The following POU6F2 variants were observed in gnomAD, a reference collection of about 807,000 sequenced individuals.
POU6F2 encodes POU class 6 homeobox 2, also known as POU domain, class 6, transcription factor 2.
In POU6F2, 31 loss-of-function variants were observed where a neutral mutation model predicts 71.3. That is an observed-to-expected ratio of 0.43 (90% CI 0.33 to 0.59). POU6F2 has a LOEUF of 0.59. Ranked by LOEUF, POU6F2 falls within the 20% of genes least tolerant of loss-of-function variation. POU6F2 has a pLI of 0.04. For synonymous variants in POU6F2, 347 were observed against 355.7 expected, an observed-to-expected ratio of 0.98 and a Z score of 0.27; for missense variants, 783 against 856.8, an observed-to-expected ratio of 0.91 and a Z score of 1.07.
intron 4 of POU6F2, among the ~76,000 whole-genome samples, chr7:39,296,628 C>G (rs1784849624): frequency 6.6e-6 from 1 of 152,218 alleles, no homozygotes; most frequent in Non-Finnish European, 1.5e-5. Flanking sequence ...GGTGTTCCCT[C>G]TGCCTGGAAC....
In POU6F2 at chr7:39,104,114, C is replaced by T. The variant is rs928887446; in HGVS notation, c.277+18083C>T. Among the ~76,000 whole-genome samples the T allele has an allele frequency of 3.3e-5, 5 of 152,208 alleles. No individual in the cohort carries two copies. The East Asian group carries it at 7.7e-4, about 23-fold the overall frequency. On this transcript the variant is annotated intron_variant, in intron 2 of 9. Transcript: ENST00000518318. ...CATTCCCCCTGCTTAGCCTGAGACA[C>T]GGTGGGAGCACCTACCACCAGCTCT...
At chr7:39,375,444 C>T (rs1292304124) in intron 5 of POU6F2, among the ~76,000 whole-genome samples, 1 of 152,066 alleles carries the variant, frequency 6.6e-6, no homozygotes, top group African/African-American at 2.4e-5. Context: ...CAGGTCATGC[C>T]GCCCAGTCCC....
At chr7:39,278,560 A>G (rs1055488178) in intron 4 of POU6F2, among the ~76,000 whole-genome samples, 2 of 152,178 alleles carry the variant, frequency 1.3e-5, no homozygotes, top group African/African-American at 4.8e-5. Flanking sequence ...TGATTTCCAG[A>G]CCTTCCTTGT....
chr7:39,109,818 G>A (rs540234197), intron 2 of POU6F2, among the ~76,000 whole-genome samples: 20 of 152,284 alleles, frequency 1.3e-4, no homozygotes, highest in African/African-American at 1.9e-4. Context: ...TCAGAGAGGC[G>A]TCTGGTAGAT....
At chr7:39,252,399 GACACACACACACAC>G (rs55738894) in intron 4 of POU6F2, among the ~76,000 whole-genome samples, 12 of 144,160 alleles carry the variant, frequency 8.3e-5, no homozygotes, top group Non-Finnish European at 1.4e-4. Flanking sequence ...CAGACAGACA[GACACACACACACAC>G]ACACACACAC....
At chr7:39,364,631 A>G (rs1786460975) in intron 5 of POU6F2, among the ~76,000 whole-genome samples, 1 of 152,092 alleles carries the variant, frequency 6.6e-6, no homozygotes, top group African/African-American at 2.4e-5. Context: ...ATTCCATCAT[A>G]TATATATAAC....
At chr7:39,074,523 T>G (rs1169653027) in intron 1 of POU6F2, among the ~76,000 whole-genome samples, 1 of 152,170 alleles carries the variant, frequency 6.6e-6, no homozygotes, top group Non-Finnish European at 1.5e-5. Context: ...TCTTTCTTCT[T>G]TTATCTTTTA....
intron 5 of POU6F2, among the ~76,000 whole-genome samples, chr7:39,367,409 C>G (rs2115737557): frequency 6.6e-6 from 1 of 152,230 alleles, no homozygotes; most frequent in East Asian, 1.9e-4. Context: ...CACAGGAAAA[C>G]CTTGGCTATC....
intron 5 of POU6F2, among the ~76,000 whole-genome samples, chr7:39,372,842 T>C (rs771420697): frequency 6.6e-6 from 1 of 152,180 alleles, no homozygotes; most frequent in Non-Finnish European, 1.5e-5. Flanking sequence ...AAACAGGCTA[T>C]GGGCCAGATT....
chr7:39,416,814 T>TA lies in POU6F2; in HGVS notation c.1113+10086dup, dbSNP rs531942673. On this transcript the variant is annotated intron_variant, in intron 6 of 9. Transcript: ENST00000518318. The stretch of plus-strand genomic sequence containing the variant: ...CCTAATTTCAAAAATGTTAAAAATG[T>TA]AAAAAAAAAAAAGAAGTTATCATTG... Among the ~76,000 whole-genome samples the TA allele has an allele frequency of 5.9e-3, 836 of 142,424 alleles. 2 individuals carry two copies. The highest frequency in any genetic ancestry group is 0.017 in the African/African-American group (657 of 38,942). The allele number at this position is 142,424 out of a possible 152,430, so 93.4% of individuals were successfully genotyped here. A position where few individuals can be genotyped will look rare whatever the true frequency, so the allele number is the denominator to read the frequency against.
At chr7:39,392,841 CA>C (rs1787101457) in intron 5 of POU6F2, among the ~76,000 whole-genome samples, 1 of 152,206 alleles carries the variant, frequency 6.6e-6, no homozygotes, top group Admixed American at 6.5e-5. Context: ...AGTTTCTGCT[CA>C]TAAGTGCACA....
chr7:39,407,848 G>A (rs571578955), intron 6 of POU6F2, among the ~76,000 whole-genome samples: 44 of 152,284 alleles, frequency 2.9e-4, no homozygotes, highest in African/African-American at 7.9e-4. Context: ...GTATTGTCCC[G>A]TCAGAACCCC....
intron 5 of POU6F2, among the ~76,000 whole-genome samples, chr7:39,378,440 TCATGATGTGGCATATTGGTGG>T (rs1206254477): frequency 6.6e-6 from 1 of 152,158 alleles, no homozygotes; most frequent in African/African-American, 2.4e-5. Flanking sequence ...CATGTTGGTT[TCATGATGTGGCATATTGGTGG>T]CATGATGTGG....
At chr7:39,185,314 C>T (rs748651335) in intron 2 of POU6F2, among the ~76,000 whole-genome samples, 9 of 152,110 alleles carry the variant, frequency 5.9e-5, no homozygotes, top group Non-Finnish European at 1.3e-4. Context: ...TCCAGGACAG[C>T]GCCACTGGAT....
intron 1 of POU6F2, among the ~76,000 whole-genome samples, chr7:39,070,243 G>A (rs184988990): frequency 1.1e-4 from 16 of 152,240 alleles, no homozygotes; most frequent in African/African-American, 2.6e-4. Context: ...TTGAATTTTC[G>A]TAAGATATGG....
In POU6F2 at chr7:39,437,555, A is replaced by AT. The variant is rs563696778; in HGVS notation, c.1320+4279dup. Among the ~76,000 whole-genome samples the AT allele has an allele frequency of 3.4e-3, 515 of 151,224 alleles. 8 individuals are homozygous for AT. The highest frequency in any genetic ancestry group is 0.011 in the South Asian group (53 of 4,760). The stretch of plus-strand genomic sequence containing the variant: ...AGCTAGTGGTCTACCTATTTTGTTA[A>AT]TTTTTTTCAAAAAACCAGCTCCTGG... On this transcript the variant is annotated intron_variant, in intron 7 of 9. Transcript: ENST00000518318.
chr7:39,210,141 A>G (rs1794109233), intron 4 of POU6F2, among the ~76,000 whole-genome samples: 1 of 151,894 alleles, frequency 6.6e-6, no homozygotes, highest in South Asian at 2.1e-4. Flanking sequence ...TATAATAAAC[A>G]CCCCACTTCT....
intron 1 of POU6F2, among the ~76,000 whole-genome samples, chr7:39,023,568 C>A (rs971868126): frequency 6.6e-6 from 1 of 152,000 alleles, no homozygotes; most frequent in African/African-American, 2.4e-5. Context: ...TATCCAGCCC[C>A]AAATGTCAAC....
chr7:39,298,679 T>G (rs1211107612), intron 4 of POU6F2, among the ~76,000 whole-genome samples: 3 of 152,134 alleles, frequency 2.0e-5, no homozygotes, highest in Admixed American at 1.3e-4. Flanking sequence ...GAATATAAAT[T>G]ATTCTACTAT....
Sources: gnomAD v4.1 joint callset for allele counts (sites outside exome capture counted in the v4.1 genomes callset) on GRCh38, gnomAD v4.1.1 for gene constraint, MANE v1.5 for transcripts, NCBI Gene and HGNC (gene_info 2026-07-23, HGNC 2026-07-21) for gene names.